RIMS4: variants seen among roughly 807,000 people sequenced by gnomAD.
The protein encoded by RIMS4 is regulating synaptic membrane exocytosis protein 4.
In RIMS4, 9 loss-of-function variants were observed where a neutral mutation model predicts 29.0. The ratio of observed to expected loss-of-function variants is 0.31; its 90% CI spans 0.19 to 0.54. The LOEUF (loss-of-function observed/expected upper bound fraction) is 0.54. Among genes scored for constraint, RIMS4 ranks in the 20% least tolerant of loss-of-function variants. The pLI is 0.94. For synonymous variants in RIMS4, 130 were observed against 152.9 expected (o/e 0.85, Z 1.10); for missense variants, 193 against 365.7 (o/e 0.53, Z 3.85).
At chr20:44,809,369 A>G (rs543206148) in intron 1 of RIMS4, among the ~76,000 whole-genome samples, 2 of 152,080 alleles carry the variant, frequency 1.3e-5, no homozygotes. Context: ...AGGTTTCCCT[A>G]CAGCTCCCCA....
At position 44,753,242 on chromosome 20, in the gene RIMS4, G is replaced by A. The variant is rs1237544394; in HGVS notation, c.*2892C>T. The stretch of plus-strand genomic sequence containing the variant: ...GCTTCAAAGAAAGAAGGGAGGAGGA[G>A]GTATGGGCAGTGGCAGCCCCACCTC... On this transcript the variant is annotated 3_prime_UTR_variant, in exon 6 of 6. Transcript: ENST00000372851. 1 of 152,656 alleles carries A rather than the reference G, an allele frequency of 6.6e-6. No homozygotes were observed. Among genetic ancestry groups the A allele is most frequent in the East Asian group, 1.9e-4 (1 of 5,190 alleles). 9.5% of individuals were successfully genotyped at this position (152,656 alleles called of 1,614,324 possible). A position where few individuals can be genotyped will look rare whatever the true frequency, so the allele number is the denominator to read the frequency against.
chr20:44,789,792 C>T (rs940168617), intron 1 of RIMS4, among the ~76,000 whole-genome samples: 2 of 152,358 alleles, frequency 1.3e-5, no homozygotes, highest in African/African-American at 4.8e-5. Context: ...TGGCCTCAAG[C>T]AATCCTCCTG....
At chr20:44,769,769 G>A (rs1025534401) in intron 2 of RIMS4, among the ~76,000 whole-genome samples, 26 of 152,204 alleles carry the variant, frequency 1.7e-4, no homozygotes, top group Admixed American at 1.4e-3. Context: ...AGGAGGGGCT[G>A]GGGGTGGGGA....
At chr20:44,772,020 G>T (rs1286553978) in intron 1 of RIMS4, among the ~76,000 whole-genome samples, 2 of 152,144 alleles carry the variant, frequency 1.3e-5, no homozygotes, top group Non-Finnish European at 2.9e-5. Context: ...AAACCAGATG[G>T]CATGGGTTCA....
chr20:44,809,372 G>C (rs1393674140), intron 1 of RIMS4, among the ~76,000 whole-genome samples: 1 of 152,148 alleles, frequency 6.6e-6, no homozygotes, highest in Non-Finnish European at 1.5e-5. Flanking sequence ...TTTCCCTACA[G>C]CTCCCCACCC....
At chr20:44,760,731 C>G (rs1209227355) in intron 2 of RIMS4, among the ~76,000 whole-genome samples, 1 of 152,170 alleles carries the variant, frequency 6.6e-6, no homozygotes, top group Non-Finnish European at 1.5e-5. Context: ...TGAGCACATA[C>G]TATGCACTCT....
chr20:44,805,440 C>G (rs548335722), intron 1 of RIMS4, among the ~76,000 whole-genome samples: 4 of 152,124 alleles, frequency 2.6e-5, no homozygotes, highest in Non-Finnish European at 5.9e-5. Context: ...GAGTTCTGCC[C>G]AGCTCTGAAA....
At chr20:44,775,641 T>C (rs4812862) in intron 1 of RIMS4, among the ~76,000 whole-genome samples, 71,489 of 152,012 alleles carry the variant, frequency 0.47, 18,384 homozygotes, top group African/African-American at 0.68. Flanking sequence ...CCATTGCGTG[T>C]CTCCTGCCCT....
At chr20:44,759,818 C>A (rs771052974) in intron 2 of RIMS4, among the ~76,000 whole-genome samples, 30 of 152,238 alleles carry the variant, frequency 2.0e-4, no homozygotes, top group Non-Finnish European at 2.8e-4. Flanking sequence ...CTTGGCTGCC[C>A]GATTCTTCCC....
chr20:44,787,148 T>C (rs1330190605), intron 1 of RIMS4, among the ~76,000 whole-genome samples: 1 of 151,934 alleles, frequency 6.6e-6, no homozygotes, highest in Non-Finnish European at 1.5e-5. Flanking sequence ...GGCAGACATG[T>C]CTGGTATGTT....
In RIMS4 at chr20:44,771,294, T is replaced by A. The variant is rs781560050; in HGVS notation, c.217A>T (p.Ser73Cys). The stretch of plus-strand genomic sequence containing the variant: ...ACTTACTTGCCCTCTGAGCCATAGC[T>A]GTTCATGCTGTCCTCAATGGACTCG... The part of the protein sequence containing the change: ...SHESIEDSMN[S>C]YGSEGNLNYG... The change falls in exon 2 of 6, where the codon AGC becomes TGC. Residue 73 changes from serine (S) to cysteine (C), a missense_variant. Physicochemically the swap from Ser to Cys is moderately radical, Grantham distance 112. Coordinates refer to ENST00000372851, the MANE Select transcript of RIMS4 (RefSeq NM_182970.4). The A allele has an allele frequency of 1.1e-5, 17 of 1,612,268 alleles. No homozygotes were observed. Among genetic ancestry groups the A allele is most frequent in the Non-Finnish European group, 1.4e-5 (17 of 1,178,540 alleles).
chr20:44,808,596 A>G (rs2066309273), intron 1 of RIMS4, among the ~76,000 whole-genome samples: 1 of 152,182 alleles, frequency 6.6e-6, no homozygotes, highest in Admixed American at 6.5e-5. Context: ...TCTGAGCCTC[A>G]GTTGTTTTTT....
chr20:44,803,545 C>T (rs2066285608), intron 1 of RIMS4, among the ~76,000 whole-genome samples: 1 of 152,186 alleles, frequency 6.6e-6, no homozygotes. Context: ...CTCACTCCCC[C>T]GTTGCAGAAA....
chr20:44,771,064 G>T (rs1009299817), intron 2 of RIMS4, among the ~76,000 whole-genome samples: 2 of 152,228 alleles, frequency 1.3e-5, no homozygotes, highest in Non-Finnish European at 2.9e-5. Flanking sequence ...GTGGAGCCAG[G>T]ATTCAAATCC....
In RIMS4 at chr20:44,756,787, A is replaced by G. The variant is rs896161358; in HGVS notation, c.591+111T>C. The G allele has an allele frequency of 2.7e-5, 28 of 1,039,402 alleles. 1 individual carries two copies. Among genetic ancestry groups the G allele is most frequent in the Middle Eastern group, 6.8e-4 (2 of 2,956 alleles). 64.4% of individuals were successfully genotyped at this position (1,039,402 alleles called of 1,614,324 possible). On this transcript the variant is annotated intron_variant, in intron 5 of 5. Transcript: ENST00000372851. The surrounding 1 kb of genome is among the most constrained non-coding windows in gnomAD (Gnocchi z 5.9). ...ACTGAGGGCCTCGCCTGTTTCCTCC[A>G]GGCGAGGCCCTCCAGAGACACCCCC...
intron 1 of RIMS4, among the ~76,000 whole-genome samples, chr20:44,784,616 T>G (rs902249460): frequency 6.6e-6 from 1 of 152,244 alleles, no homozygotes; most frequent in African/African-American, 2.4e-5. Context: ...TAACCCAGTG[T>G]CCACTAAGGC....
At position 44,810,507 on chromosome 20, in the gene RIMS4, C is replaced by CGGCGGCGGCGGCGGCGGCGGT. The variant is rs1568910751; in HGVS notation, c.-237_-236insACCGCCGCCGCCGCCGCCGCC. Among the ~76,000 whole-genome samples, 4 of 142,220 alleles carry CGGCGGCGGCGGCGGCGGCGGT rather than the reference C, an allele frequency of 2.8e-5. No individual in the cohort carries two copies. In the East Asian group the frequency reaches 8.2e-4, roughly 29 times the overall value. The allele number at this position is 142,220 out of a possible 152,430, so 93.3% of individuals were successfully genotyped here. Reference sequence around the variant, plus strand: ...GCTGTGCTGCTGGCGGCGGCGGCGGCGGCGGCGGTGGCGGCGGCGGTGGCG... The same window carrying CGGCGGCGGCGGCGGCGGCGGT: ...GCTGTGCTGCTGGCGGCGGCGGCGGCGGCGGCGGCGGCGGCGGCGGTGGCGGCGGTGGCGGCGGCGGTGGCG... On this transcript the variant is annotated 5_prime_UTR_variant, in exon 1 of 6. Transcript: ENST00000372851.
chr20:44,757,016 AGGTAGGCCTTGAT>A lies in RIMS4; in HGVS notation c.460_472del (p.Ile154CysfsTer2). 6.2e-7 allele frequency: 1 copy of A among 1,614,000 alleles called. No homozygotes were observed. Among genetic ancestry groups the A allele is most frequent in the Non-Finnish European group, 8.5e-7 (1 of 1,179,910 alleles). ...GGCAATGCAGATGCCATTCTCTAGC[AGGTAGGCCTTGAT>A]GTAGGCCGCTGGGGATAGAGGCCAG... is the stretch of plus-strand genomic sequence containing the variant. On this transcript the variant is annotated frameshift_variant, in exon 5 of 6. Coordinates refer to ENST00000372851, the MANE Select transcript of RIMS4 (RefSeq NM_182970.4). LOFTEE classifies it high-confidence loss of function.
intron 1 of RIMS4, among the ~76,000 whole-genome samples, chr20:44,780,278 T>C (rs2066178309): frequency 1.3e-5 from 2 of 152,192 alleles, no homozygotes; most frequent in African/African-American, 4.8e-5. Context: ...GTATATAAAG[T>C]TGTGACTTGC....
Sources: gnomAD v4.1 joint callset for allele counts (sites outside exome capture counted in the v4.1 genomes callset) on GRCh38, gnomAD v4.1.1 for gene constraint, Gnocchi (gnomAD v3.1) non-coding constraint, MANE v1.5 for transcripts, NCBI Gene and HGNC (gene_info 2026-07-23, HGNC 2026-07-21) for gene names.